The following TASP1 variants were observed in gnomAD, a reference collection of about 807,000 sequenced individuals.
The protein encoded by TASP1 is taspase 1, also known as threonine aspartase 1.
Under a neutral mutation model 56.6 loss-of-function variants are expected in TASP1, and 16 were observed. The observed-to-expected ratio is 0.28, with a 90% CI of 0.19 to 0.43. The LOEUF is 0.43. Among genes scored for constraint, TASP1 ranks in the 20% least tolerant of loss-of-function variants. The probability of loss-of-function intolerance (pLI) is 1.00; values close to 1 mark genes in which losing one functional copy is unlikely to be tolerated. For synonymous variants in TASP1, 179 were observed against 184.2 expected, an observed-to-expected ratio of 0.97 and a Z score of 0.23; for missense variants, 393 against 511.6, an observed-to-expected ratio of 0.77 and a Z score of 2.24.
chr20:13,511,847 C>T (rs903127201), intron 10 of TASP1, among the ~76,000 whole-genome samples: 2 of 147,834 alleles, frequency 1.4e-5, no homozygotes, highest in South Asian at 4.4e-4. Context: ...TGAGTGAGAA[C>T]ATGAGGTGTT....
At chr20:13,525,164 A>G (rs960860363) in intron 10 of TASP1, among the ~76,000 whole-genome samples, 3 of 152,202 alleles carry the variant, frequency 2.0e-5, no homozygotes, top group East Asian at 1.9e-4. Flanking sequence ...CTTAGATTCA[A>G]TGAAATACAG....
the TASP1 span, among the ~76,000 whole-genome samples, chr20:13,359,658 A>T: frequency 6.7e-6 from 1 of 149,568 alleles, no homozygotes; most frequent in South Asian, 2.1e-4. Flanking sequence ...CTCTGGTGCC[A>T]ACTTAGACAA....
At chr20:13,131,987 G>C in the TASP1 span, among the ~76,000 whole-genome samples, 2 of 151,928 alleles carry the variant, frequency 1.3e-5, no homozygotes, top group East Asian at 1.9e-4. Flanking sequence ...AAAACACAGA[G>C]AGCAGCTCCC....
At position 13,442,997 on chromosome 20, in the gene TASP1, G is replaced by T. The variant is rs117087767; in HGVS notation, c.986-7843C>A. 3.2e-3 allele frequency among the ~76,000 whole-genome samples: 494 copies of T among 152,252 alleles called. 2 individuals carry two copies. Among genetic ancestry groups the T allele is most frequent in the East Asian group, 0.012 (60 of 5,184 alleles). On this transcript the variant is annotated intron_variant, in intron 11 of 13. Coordinates refer to ENST00000337743, the MANE Select transcript of TASP1 (RefSeq NM_017714.3). ...TCATTATAAATAACAGATATTAAAA[G>T]ACATCTTTGAAGGCTGTTGTGAGGA...
chr20:13,589,280 G>A (rs1261474706), intron 4 of TASP1, among the ~76,000 whole-genome samples: 3 of 151,864 alleles, frequency 2.0e-5, no homozygotes, highest in South Asian at 2.1e-4. Flanking sequence ...GGATGGTCTC[G>A]ATCTCCTGAC....
At chr20:13,338,892 C>T in the TASP1 span, among the ~76,000 whole-genome samples, 1 of 152,238 alleles carries the variant, frequency 6.6e-6, no homozygotes, top group African/African-American at 2.4e-5. Flanking sequence ...TCACCATCAC[C>T]ACCATCACCA....
At chr20:13,249,087 A>G in the TASP1 span, among the ~76,000 whole-genome samples, 38,998 of 152,092 alleles carry the variant, frequency 0.26, 5,128 homozygotes, top group African/African-American at 0.33. Flanking sequence ...GCCTTTATCC[A>G]AATATTACTC....
At chr20:13,226,403 C>T in the TASP1 span, among the ~76,000 whole-genome samples, 1 of 151,960 alleles carries the variant, frequency 6.6e-6, no homozygotes, top group Non-Finnish European at 1.5e-5. Context: ...AGGCTGATTA[C>T]TTTTACTGGA....
chr20:13,314,680 A>C, the TASP1 span, among the ~76,000 whole-genome samples: 4 of 152,188 alleles, frequency 2.6e-5, no homozygotes, highest in Non-Finnish European at 5.9e-5. Flanking sequence ...TCAGATCTTC[A>C]TAAAAAAGGA....
chr20:13,580,491 C>G (rs1359529796), intron 6 of TASP1, among the ~76,000 whole-genome samples: 1 of 151,546 alleles, frequency 6.6e-6, no homozygotes, highest in East Asian at 1.9e-4. Context: ...AACAAAAAAC[C>G]CTATAGGAAA....
At chr20:13,550,424 G>C (rs1198670318) in intron 8 of TASP1, among the ~76,000 whole-genome samples, 1 of 151,834 alleles carries the variant, frequency 6.6e-6, no homozygotes, top group Non-Finnish European at 1.5e-5. Context: ...GGCTCATCCA[G>C]TAATCAAGAT....
the TASP1 span, among the ~76,000 whole-genome samples, chr20:13,301,305 C>T: frequency 6.6e-6 from 1 of 152,168 alleles, no homozygotes; most frequent in Non-Finnish European, 1.5e-5. Context: ...TCTCGTGCCT[C>T]AGCCTCCCGA....
chr20:13,472,073 A>G (rs112571565), intron 11 of TASP1, among the ~76,000 whole-genome samples: 2,555 of 144,914 alleles, frequency 0.018, 108 homozygotes, highest in African/African-American at 0.051. Context: ...GAGGCATCAC[A>G]CTACCTGACT....
the TASP1 span, chr20:13,292,498 C>G: frequency 1.5e-6 from 2 of 1,301,304 alleles, no homozygotes; most frequent in East Asian, 4.9e-5. Context: ...CAAATATTGA[C>G]TTAGTGCCTC....
chr20:13,364,790 G>T, the TASP1 span, among the ~76,000 whole-genome samples: 1 of 152,162 alleles, frequency 6.6e-6, no homozygotes, highest in Non-Finnish European at 1.5e-5. Flanking sequence ...CCAAGGCCAA[G>T]TTAGAATGCC....
chr20:13,267,010 C>G, the TASP1 span, among the ~76,000 whole-genome samples: 17 of 152,270 alleles, frequency 1.1e-4, 1 homozygote, highest in Admixed American at 9.8e-4. Context: ...TGTCTGTTGT[C>G]TCCTACCCTA....
intron 11 of TASP1, among the ~76,000 whole-genome samples, chr20:13,482,241 T>C (rs1423493811): frequency 6.6e-6 from 1 of 152,186 alleles, no homozygotes; most frequent in African/African-American, 2.4e-5. Flanking sequence ...GTGGATTTGT[T>C]TCTGGGTTCT....
intron 12 of TASP1, among the ~76,000 whole-genome samples, chr20:13,434,035 A>G (rs557541035): frequency 3.9e-4 from 59 of 152,256 alleles, no homozygotes; most frequent in Non-Finnish European, 6.6e-4. Context: ...AATAAATAAA[A>G]CCAGGCAGAA....
chr20:13,106,316 G>C, the TASP1 span, among the ~76,000 whole-genome samples: 1 of 152,146 alleles, frequency 6.6e-6, no homozygotes, highest in Non-Finnish European at 1.5e-5. Flanking sequence ...GGGCGAGAAG[G>C]ATGAGGACGA....
Sources: gnomAD v4.1 joint callset for allele counts (sites outside exome capture counted in the v4.1 genomes callset) on GRCh38, gnomAD v4.1.1 for gene constraint, MANE v1.5 for transcripts, NCBI Gene and HGNC (gene_info 2026-07-23, HGNC 2026-07-21) for gene names.